The following PRKG1 variants were observed in gnomAD, a reference collection of about 807,000 sequenced individuals.
The protein encoded by PRKG1 is cGMP-dependent protein kinase 1.
In PRKG1, 35 loss-of-function variants were observed where a neutral mutation model predicts 88.1. The observed-to-expected ratio is 0.40, with a 90% CI of 0.30 to 0.53. PRKG1 has a LOEUF of 0.53. Ranked by LOEUF, PRKG1 falls within the 20% of genes least tolerant of loss-of-function variation. The pLI, the probability that PRKG1 is intolerant of heterozygous loss-of-function variation, is 0.59. For missense variants in PRKG1, 540 were observed against 839.8 expected (o/e 0.64, Z 4.41); for synonymous variants, 303 against 292.5 (o/e 1.04, Z -0.37).
At chr10:51,764,982 A>G (rs1190985701) in intron 3 of PRKG1, among the ~76,000 whole-genome samples, 2 of 152,186 alleles carry the variant, frequency 1.3e-5, no homozygotes, top group African/African-American at 4.8e-5. Flanking sequence ...CACCTTGATC[A>G]TGGATGTCTC....
At chr10:52,084,684 A>C (rs1026766712) in intron 7 of PRKG1, among the ~76,000 whole-genome samples, 3 of 152,172 alleles carry the variant, frequency 2.0e-5, no homozygotes, top group Admixed American at 6.6e-5. Flanking sequence ...GGAACAAGGA[A>C]GTTTTCTTAT....
At chr10:51,197,885 C>A (rs1053593440) in intron 2 of PRKG1, among the ~76,000 whole-genome samples, 1 of 151,108 alleles carries the variant, frequency 6.6e-6, no homozygotes, top group Admixed American at 6.6e-5. Context: ...TTGCACCACC[C>A]TAATATATCA....
intron 7 of PRKG1, among the ~76,000 whole-genome samples, chr10:52,112,545 C>T (rs1847588454): frequency 6.6e-6 from 1 of 152,126 alleles, no homozygotes; most frequent in Non-Finnish European, 1.5e-5. Context: ...ATTGAAAACA[C>T]ATAGGATTCT....
At chr10:52,208,343 C>G (rs566920051) in intron 9 of PRKG1, among the ~76,000 whole-genome samples, 6 of 152,298 alleles carry the variant, frequency 3.9e-5, no homozygotes, top group Non-Finnish European at 8.8e-5. Flanking sequence ...AACATATAAA[C>G]TATGATATTT....
At chr10:51,008,699 A>G (rs528889741) in intron 1 of PRKG1, among the ~76,000 whole-genome samples, 4 of 152,326 alleles carry the variant, frequency 2.6e-5, no homozygotes, top group African/African-American at 9.6e-5. Flanking sequence ...CTGTGTTCAA[A>G]TAAGGTCACA....
At chr10:52,089,780 G>A (rs1847004318) in intron 7 of PRKG1, among the ~76,000 whole-genome samples, 1 of 139,790 alleles carries the variant, frequency 7.2e-6, no homozygotes, top group Non-Finnish European at 1.5e-5. Context: ...CACATCTAGG[G>A]CTTAGATTAT....
chr10:51,747,455 T>C (rs1186668891), intron 3 of PRKG1, among the ~76,000 whole-genome samples: 1 of 152,106 alleles, frequency 6.6e-6, no homozygotes, highest in Non-Finnish European at 1.5e-5. Context: ...CTGGGATGTC[T>C]GAAGGCGCAG....
intron 9 of PRKG1, chr10:52,230,617 C>T (rs1840497779): frequency 6.6e-6 from 1 of 152,138 alleles, no homozygotes; most frequent in Admixed American, 6.5e-5. Context: ...TATATTACTG[C>T]CTCCTTTATG....
intron 2 of PRKG1, among the ~76,000 whole-genome samples, chr10:51,255,757 G>A (rs1474080911): frequency 6.6e-6 from 1 of 152,090 alleles, no homozygotes; most frequent in East Asian, 1.9e-4. Flanking sequence ...AGCAAATACT[G>A]TGATTTATAT....
intron 1 of PRKG1, among the ~76,000 whole-genome samples, chr10:50,992,647 C>T (rs1250402508): frequency 1.3e-5 from 2 of 152,122 alleles, no homozygotes; most frequent in East Asian, 1.9e-4. Context: ...GTATGTCACT[C>T]CTTTGGGGTG....
chr10:51,183,906 A>G (rs1837416152), intron 2 of PRKG1, among the ~76,000 whole-genome samples: 1 of 152,188 alleles, frequency 6.6e-6, no homozygotes, highest in Non-Finnish European at 1.5e-5. Flanking sequence ...TTCCTTTGGC[A>G]GACATAGCCA....
At chr10:51,885,236 A>G (rs1841539339) in intron 4 of PRKG1, among the ~76,000 whole-genome samples, 1 of 152,246 alleles carries the variant, frequency 6.6e-6, no homozygotes, top group Admixed American at 6.5e-5. Context: ...ATAGAGCAGT[A>G]CCAGGCACAT....
At chr10:52,254,495 A>T (rs1199018165) in intron 10 of PRKG1, among the ~76,000 whole-genome samples, 2 of 152,030 alleles carry the variant, frequency 1.3e-5, no homozygotes, top group East Asian at 1.9e-4. Flanking sequence ...ATAGTATTTT[A>T]AAAAATTTCC....
At chr10:51,702,418 G>C (rs900524171) in intron 3 of PRKG1, among the ~76,000 whole-genome samples, 1 of 151,996 alleles carries the variant, frequency 6.6e-6, no homozygotes, top group Non-Finnish European at 1.5e-5. Flanking sequence ...ATATTTCCTG[G>C]TACCAGTACA....
At chr10:51,697,856 C>G (rs143146883) in intron 3 of PRKG1, 1 of 1,613,854 alleles carries the variant, frequency 6.2e-7, no homozygotes, top group African/African-American at 1.3e-5. Flanking sequence ...CTGGCTCTGC[C>G]CAGGACTAAA....
At chr10:51,020,430 C>G (rs1843120235) in intron 1 of PRKG1, among the ~76,000 whole-genome samples, 1 of 152,158 alleles carries the variant, frequency 6.6e-6, no homozygotes, top group African/African-American at 2.4e-5. Context: ...ATACTATTTG[C>G]CAGATACTGT....
intron 2 of PRKG1, among the ~76,000 whole-genome samples, chr10:51,410,023 T>A (rs897729462): frequency 6.6e-6 from 1 of 151,980 alleles, no homozygotes; most frequent in Non-Finnish European, 1.5e-5. Flanking sequence ...TTGGGTCATA[T>A]GGCCCAAGTG....
At chr10:52,037,271 G>A (rs554921766) in intron 5 of PRKG1, among the ~76,000 whole-genome samples, 16 of 152,314 alleles carry the variant, frequency 1.1e-4, no homozygotes, top group South Asian at 4.1e-4. Context: ...TGGCCGCTGC[G>A]GTTCAGGCAT....
intron 5 of PRKG1, among the ~76,000 whole-genome samples, chr10:51,969,280 C>T (rs1047531650): frequency 2.6e-5 from 4 of 152,110 alleles, no homozygotes; most frequent in Admixed American, 1.3e-4. Flanking sequence ...CTTCATTTCT[C>T]CCTAGAAATC....
Sources: allele counts gnomAD v4.1 joint callset (sites outside exome capture counted in the v4.1 genomes callset), GRCh38; gene constraint gnomAD v4.1.1; transcripts MANE v1.5; gene names NCBI Gene and HGNC (gene_info 2026-07-23, HGNC 2026-07-21).